The following PRKN variants were observed in gnomAD, a reference collection of about 807,000 sequenced individuals.
PRKN encodes parkin RBR E3 ubiquitin protein ligase.
PRKN carries 56 observed loss-of-function variants against 59.5 expected under a neutral mutation model. That is an observed-to-expected ratio of 0.94 (90% CI 0.76 to 1.18). The LOEUF (loss-of-function observed/expected upper bound fraction) is 1.18. Among genes scored for constraint, PRKN ranks in the 50% most tolerant of loss-of-function variants. PRKN has a pLI of 0.00. For synonymous variants in PRKN, 250 were observed against 222.1 expected, an observed-to-expected ratio of 1.13 and a Z score of -1.12; for missense variants, 657 against 596.4, an observed-to-expected ratio of 1.10 and a Z score of -1.06.
At chr6:161,896,197 C>T (rs542286430) in intron 6 of PRKN, among the ~76,000 whole-genome samples, 1 of 152,190 alleles carries the variant, frequency 6.6e-6, no homozygotes, top group African/African-American at 2.4e-5. Flanking sequence ...GCCATGAATT[C>T]TTTTGCCCTC....
At chr6:162,259,215 C>T (rs913406110) in intron 3 of PRKN, among the ~76,000 whole-genome samples, 5 of 152,192 alleles carry the variant, frequency 3.3e-5, no homozygotes, top group African/African-American at 1.2e-4. Context: ...GGAATGGTCT[C>T]AGGCTGCTGT....
rs182898443 is a variant in PRKN at position 161,423,258 on chromosome 6, C to T, written c.1084-36381G>A. Among the ~76,000 whole-genome samples the T allele has an allele frequency of 4.8e-3, 728 of 152,286 alleles. 9 individuals are homozygous for T. The highest frequency in any genetic ancestry group is 0.012 in the South Asian group (59 of 4,824). ...GGGAGGCACTCACGTTAATTTTTCTCAACTAGTATCTGAAGGGTTGTCATG... is the reference window on the plus strand; with the variant it reads ...GGGAGGCACTCACGTTAATTTTTCTTAACTAGTATCTGAAGGGTTGTCATG... On this transcript the variant is annotated intron_variant, in intron 9 of 11. Transcript: ENST00000366898. This position sits in a 1 kb window ranked among gnomAD's most constrained non-coding sequence, Gnocchi z 5.9.
chr6:162,273,318 A>G (rs1780476788), intron 2 of PRKN, among the ~76,000 whole-genome samples: 1 of 151,674 alleles, frequency 6.6e-6, no homozygotes, highest in South Asian at 2.1e-4. Context: ...AGGCACAGAA[A>G]ATGTTTCACA....
At chr6:162,384,657 A>AC (rs1554311159) in intron 2 of PRKN, among the ~76,000 whole-genome samples, 2 of 142,610 alleles carry the variant, frequency 1.4e-5, no homozygotes, top group Admixed American at 7.1e-5. Context: ...TAAAAAAAAA[A>AC]AAAAACAAAA....
At chr6:161,815,432 T>C (rs915175570) in intron 6 of PRKN, among the ~76,000 whole-genome samples, 6 of 152,242 alleles carry the variant, frequency 3.9e-5, no homozygotes, top group African/African-American at 1.4e-4. Context: ...GGACTTTTTG[T>C]TCCTGGTGGT....
At chr6:162,481,153 G>A in intron 1 of PRKN, among the ~76,000 whole-genome samples, 1 of 151,960 alleles carries the variant, frequency 6.6e-6, no homozygotes, top group East Asian at 1.9e-4. Flanking sequence ...TAGAATTAAT[G>A]TTCTCATATA....
chr6:162,075,099 T>A (rs575424623), intron 4 of PRKN, among the ~76,000 whole-genome samples: 53 of 152,322 alleles, frequency 3.5e-4, no homozygotes, highest in Middle Eastern at 6.8e-3. Context: ...GGCTGTTGCA[T>A]GGAGGAAAGT....
intron 2 of PRKN, among the ~76,000 whole-genome samples, chr6:162,291,962 T>G (rs1046411106): frequency 3.4e-4 from 10 of 29,368 alleles, no homozygotes; most frequent in Non-Finnish European, 4.2e-4. Context: ...ATTATTATTG[T>G]TTTTTTTTTT....
intron 1 of PRKN, among the ~76,000 whole-genome samples, chr6:162,660,880 T>TC (rs1778849914): frequency 1.3e-5 from 2 of 152,178 alleles, no homozygotes; most frequent in African/African-American, 2.4e-5. Context: ...CTGGGCTGGG[T>TC]ACTCAAGATG....
chr6:162,050,130 C>T (rs1174852392), intron 5 of PRKN, among the ~76,000 whole-genome samples: 1 of 152,166 alleles, frequency 6.6e-6, no homozygotes, highest in Non-Finnish European at 1.5e-5. Context: ...TTCCTCAAAA[C>T]CTCGCATGTC....
intron 6 of PRKN, among the ~76,000 whole-genome samples, chr6:161,868,862 A>G (rs116666395): frequency 9.3e-4 from 141 of 152,330 alleles, no homozygotes; most frequent in African/African-American, 3.3e-3. Flanking sequence ...AGGCCCTTGC[A>G]GCAGGTACTA....
In PRKN at chr6:161,548,826, C is replaced by G; in HGVS notation, c.1083+28G>C. The G allele has an allele frequency of 6.2e-7, 1 of 1,610,674 alleles. No individual in the cohort carries two copies. ...AAAAGCAAACAAGGACAGGAACACA[C>G]CGCTCCAGGGGTGTGGGCAGTACTC... On this transcript the variant is annotated intron_variant, in intron 9 of 11. Transcript: ENST00000366898. The surrounding 1 kb of genome is among the most constrained non-coding windows in gnomAD (Gnocchi z 4.2).
At position 162,115,542 on chromosome 6, in the gene PRKN, CAT is replaced by C. The variant is rs374810324; in HGVS notation, c.535-61370_535-61369del. Among the ~76,000 whole-genome samples the C allele has an allele frequency of 1.6e-3, 217 of 134,900 alleles. 1 individual carries two copies. The highest frequency in any genetic ancestry group is 4.4e-3 in the African/African-American group (144 of 33,038). The allele number at this position is 134,900 out of a possible 152,430, so 88.5% of individuals were successfully genotyped here. ...AATAAATAAATAAATAAAAATTTGA[CAT>C]GTTTCCAAAGAAAAAAAAAAAAAGT... is the stretch of plus-strand genomic sequence containing the variant. On this transcript the variant is annotated intron_variant, in intron 4 of 11. Coordinates refer to ENST00000366898, the MANE Select transcript of PRKN (RefSeq NM_004562.3).
chr6:162,162,014 A>T (rs1782780189), intron 4 of PRKN, among the ~76,000 whole-genome samples: 1 of 152,202 alleles, frequency 6.6e-6, no homozygotes, highest in Non-Finnish European at 1.5e-5. Context: ...ACAAAATGAT[A>T]AAAAAGTAAT....
intron 1 of PRKN, among the ~76,000 whole-genome samples, chr6:162,604,714 T>TTTA (rs397886746): frequency 1.3e-5 from 2 of 150,746 alleles, no homozygotes; most frequent in Non-Finnish European, 3.0e-5. Flanking sequence ...TTTTTTTTTT[T>TTTA]AACTTAGACC....
At chr6:162,692,615 C>T (rs1021807419) in intron 1 of PRKN, among the ~76,000 whole-genome samples, 2 of 151,032 alleles carry the variant, frequency 1.3e-5, no homozygotes, top group East Asian at 2.0e-4. Context: ...AGTGACCCTC[C>T]GGGTTGACAA....
chr6:161,547,268 A>G lies in PRKN; in HGVS notation c.1083+1586T>C, dbSNP rs1190612448. ...AAGGACAAAGAAACCTTGAGAACAT[A>G]ACTATCCTCCTTTAAGTAAAGTTGC... On this transcript the variant is annotated intron_variant, in intron 9 of 11. Transcript: ENST00000366898. This position sits in a 1 kb window ranked among gnomAD's most constrained non-coding sequence, Gnocchi z 4.0. Among the ~76,000 whole-genome samples the G allele has an allele frequency of 1.3e-5, 2 of 152,248 alleles. 1 individual carries two copies. The highest frequency in any genetic ancestry group is 1.3e-4 in the Admixed American group (2 of 15,286).
At chr6:162,237,407 G>A (rs1778783961) in intron 3 of PRKN, among the ~76,000 whole-genome samples, 1 of 152,070 alleles carries the variant, frequency 6.6e-6, no homozygotes, top group African/African-American at 2.4e-5. Context: ...ATGATTTCTT[G>A]CTTTTCTTCT....
At chr6:162,180,487 A>G (rs568095526) in intron 4 of PRKN, among the ~76,000 whole-genome samples, 22 of 152,292 alleles carry the variant, frequency 1.4e-4, no homozygotes, top group African/African-American at 5.3e-4. Flanking sequence ...TACTATAAAC[A>G]TATGTGTTTA....
Sources: allele counts gnomAD v4.1 joint callset (sites outside exome capture counted in the v4.1 genomes callset), GRCh38; gene constraint gnomAD v4.1.1; non-coding constraint Gnocchi (gnomAD v3.1); transcripts MANE v1.5; gene names NCBI Gene and HGNC (gene_info 2026-07-23, HGNC 2026-07-21).